The following ANO2 variants were observed in gnomAD, a reference collection of about 807,000 sequenced individuals.
ANO2 encodes anoctamin 2, also known as anoctamin-2.
Under a neutral mutation model 124.2 loss-of-function variants are expected in ANO2, and 101 were observed. That is an observed-to-expected ratio of 0.81 (90% confidence interval 0.69 to 0.96). The LOEUF is 0.96. Ranked by LOEUF, ANO2 falls within the 40% of genes least tolerant of loss-of-function variation. The pLI, the probability that ANO2 is intolerant of heterozygous loss-of-function variation, is 0.00. For missense variants in ANO2, 1,293 were observed against 1,274.5 expected (o/e 1.01, Z -0.22); for synonymous variants, 486 against 482.5 (o/e 1.01, Z -0.09).
chr12:5,875,836 G>A (rs1938060957), intron 3 of ANO2, among the ~76,000 whole-genome samples: 1 of 151,630 alleles, frequency 6.6e-6, no homozygotes, highest in South Asian at 2.1e-4. Context: ...TGACGGAGAG[G>A]AACAGCCCCT....
chr12:5,580,228 A>G (rs1192221846), intron 20 of ANO2, among the ~76,000 whole-genome samples: 1 of 152,244 alleles, frequency 6.6e-6, no homozygotes, highest in Admixed American at 6.5e-5. Context: ...AGGGTAAATG[A>G]TATTACATAC....
chr12:5,685,827 C>T (rs1397676663), intron 14 of ANO2, among the ~76,000 whole-genome samples: 5 of 152,162 alleles, frequency 3.3e-5, no homozygotes, highest in South Asian at 2.1e-4. Flanking sequence ...AAAACCGGGA[C>T]GACTGCCTGT....
chr12:5,666,423 T>C (rs1947719676), intron 14 of ANO2, among the ~76,000 whole-genome samples: 1 of 152,174 alleles, frequency 6.6e-6, no homozygotes, highest in Non-Finnish European at 1.5e-5. Flanking sequence ...TCACCCCTTA[T>C]TCATTTGGGC....
chr12:5,708,397 C>A (rs972636093), intron 14 of ANO2, among the ~76,000 whole-genome samples: 4 of 152,224 alleles, frequency 2.6e-5, no homozygotes, highest in African/African-American at 9.6e-5. Flanking sequence ...TTAGTCAGGG[C>A]TACCAAGCTC....
At chr12:5,853,821 G>A (rs1954997922) in intron 4 of ANO2, among the ~76,000 whole-genome samples, 1 of 151,894 alleles carries the variant, frequency 6.6e-6, no homozygotes, top group African/African-American at 2.4e-5. Flanking sequence ...AGCAAACCCA[G>A]CCAGTGCTCT....
At chr12:5,808,494 C>T (rs745656487) in intron 7 of ANO2, among the ~76,000 whole-genome samples, 1 of 151,966 alleles carries the variant, frequency 6.6e-6, no homozygotes, top group Non-Finnish European at 1.5e-5. Flanking sequence ...CCAAGGATCC[C>T]GCCATACGAG....
At chr12:5,918,699 A>C (rs2136299808) in intron 3 of ANO2, among the ~76,000 whole-genome samples, 1 of 152,224 alleles carries the variant, frequency 6.6e-6, no homozygotes, top group Middle Eastern at 3.4e-3. Flanking sequence ...TCAGCCTCCC[A>C]AAGTGCTTGG....
chr12:5,918,644 T>G (rs767183580), intron 3 of ANO2, among the ~76,000 whole-genome samples: 10 of 152,072 alleles, frequency 6.6e-5, no homozygotes, highest in African/African-American at 2.4e-4. Flanking sequence ...TTTCACCATA[T>G]TGGCCAGGCT....
In ANO2 at chr12:5,699,821, C is replaced by A. The variant is rs555169200; in HGVS notation, c.1545+32699G>T. ...TCGGATAAAACAGACTTTAAACCAA[C>A]AAAGATCAAAAGAGACAAAGAAGGC... is the stretch of plus-strand genomic sequence containing the variant. On this transcript the variant is annotated intron_variant, in intron 14 of 24. Coordinates refer to ENST00000682330, the MANE Select transcript of ANO2 (RefSeq NM_001364791.2). Among the ~76,000 whole-genome samples, 53 of 152,142 alleles carry A rather than the reference C, an allele frequency of 3.5e-4. No homozygotes were observed. The East Asian group carries it at 9.7e-3, about 28-fold the overall frequency.
chr12:5,653,271 G>A (rs1360897402), intron 14 of ANO2, among the ~76,000 whole-genome samples: 1 of 152,242 alleles, frequency 6.6e-6, no homozygotes, highest in African/African-American at 2.4e-5. Flanking sequence ...AATAACAAGA[G>A]GGCCAGGAAT....
intron 1 of ANO2, among the ~76,000 whole-genome samples, chr12:5,927,637 A>T (rs1565788141): frequency 6.6e-6 from 1 of 152,236 alleles, no homozygotes; most frequent in Non-Finnish European, 1.5e-5. Flanking sequence ...CTAATCAGCT[A>T]ATTTACACCA....
intron 10 of ANO2, among the ~76,000 whole-genome samples, chr12:5,789,873 C>T (rs951827848): frequency 7.9e-5 from 12 of 152,158 alleles, no homozygotes; most frequent in East Asian, 3.8e-4. Flanking sequence ...TGTGTTAAGA[C>T]GTTTTCTGTT....
intron 14 of ANO2, among the ~76,000 whole-genome samples, chr12:5,692,146 C>A (rs906957750): frequency 1.3e-5 from 2 of 152,100 alleles, no homozygotes; most frequent in African/African-American, 4.8e-5. Flanking sequence ...TGATGCAATA[C>A]CCCTGGCAAG....
intron 10 of ANO2, among the ~76,000 whole-genome samples, chr12:5,784,945 C>G (rs1952499427): frequency 6.6e-6 from 1 of 152,186 alleles, no homozygotes; most frequent in South Asian, 2.1e-4. Flanking sequence ...TGTTCCTAAC[C>G]CCGAGTTCAG....
At chr12:5,910,156 A>C (rs1940957824) in intron 3 of ANO2, among the ~76,000 whole-genome samples, 1 of 152,216 alleles carries the variant, frequency 6.6e-6, no homozygotes, top group African/African-American at 2.4e-5. Context: ...AACAAATTTG[A>C]TATGATACAA....
intron 13 of ANO2, 170 bp from the exon 14 acceptor site, chr12:5,732,800 A>G: frequency 1.2e-6 from 2 of 1,604,088 alleles, no homozygotes; most frequent in South Asian, 1.1e-5. Flanking sequence ...ACATCCTAAC[A>G]TAAGAACACA....
At chr12:5,610,983 T>G (rs183346721) in intron 19 of ANO2, among the ~76,000 whole-genome samples, 1,649 of 119,300 alleles carry the variant, frequency 0.014, 3 homozygotes, top group Middle Eastern at 0.021. Context: ...TTTTTTTTTT[T>G]TTTTTTGAGA....
chr12:5,855,506 G>C (rs1237642013), intron 3 of ANO2, among the ~76,000 whole-genome samples: 1 of 152,202 alleles, frequency 6.6e-6, no homozygotes, highest in Non-Finnish European at 1.5e-5. Flanking sequence ...TTACAAGGCA[G>C]AAAAATGAAG....
chr12:5,811,202 T>C (rs1953378885), intron 7 of ANO2, among the ~76,000 whole-genome samples: 1 of 152,142 alleles, frequency 6.6e-6, no homozygotes, highest in Non-Finnish European at 1.5e-5. Flanking sequence ...GTTTTGATTC[T>C]CCCCAGAAAA....
Sources: allele counts gnomAD v4.1 joint callset (sites outside exome capture counted in the v4.1 genomes callset), GRCh38; gene constraint gnomAD v4.1.1; transcripts MANE v1.5; gene names NCBI Gene and HGNC (gene_info 2026-07-23, HGNC 2026-07-21).